Variants in TAF15 observed in about 807,000 individuals in gnomAD.
The protein encoded by TAF15 is TATA-box binding protein associated factor 15.
In TAF15, 37 loss-of-function variants were observed where a neutral mutation model predicts 102.5. That is an observed-to-expected ratio of 0.36 (90% CI 0.28 to 0.47). The LOEUF is 0.47. Among genes scored for constraint, TAF15 ranks in the 20% least tolerant of loss-of-function variants. The probability of loss-of-function intolerance (pLI) is 0.99; values close to 1 mark genes in which losing one functional copy is unlikely to be tolerated. For synonymous variants in TAF15, 273 were observed against 259.2 expected, an observed-to-expected ratio of 1.05 and a Z score of -0.51; for missense variants, 652 against 760.7, an observed-to-expected ratio of 0.86 and a Z score of 1.68.
chr17:35,831,394 A>G (rs2014839), intron 7 of TAF15, among the ~76,000 whole-genome samples: 20,980 of 150,744 alleles, frequency 0.14, 1,670 homozygotes, highest in East Asian at 0.21. Flanking sequence ...GCGACAGAGC[A>G]AGACTCCGTC....
chr17:35,823,596 TC>T (rs777781226), intron 6 of TAF15: 10 of 176,050 alleles, frequency 5.7e-5, no homozygotes, highest in African/African-American at 7.3e-5. Context: ...TCCCAGCTAC[TC>T]GGGAGGCTGA....
At chr17:35,816,360 C>T (rs749456838) in intron 1 of TAF15, among the ~76,000 whole-genome samples, 2 of 152,088 alleles carry the variant, frequency 1.3e-5, no homozygotes, top group Admixed American at 6.6e-5. Context: ...AATAGCTGGG[C>T]GTGGTGCTGC....
chr17:35,845,069 T>C (rs373080804), intron 15 of TAF15, 31 bp downstream of exon 15: 217 of 1,612,540 alleles, frequency 1.3e-4, no homozygotes, highest in Middle Eastern at 3.4e-4. Context: ...ATTAACCTTT[T>C]TACCTCACTG....
chr17:35,822,515 G>C, intron 5 of TAF15, 125 bp from the exon 6 acceptor site: 1 of 824,120 alleles, frequency 1.2e-6, no homozygotes. Context: ...ATTACCATGA[G>C]AAGGTAGTCA....
chr17:35,845,103 C>T, intron 15 of TAF15, 65 bp downstream of exon 15: 1 of 1,597,458 alleles, frequency 6.3e-7, no homozygotes, highest in Non-Finnish European at 8.6e-7. Context: ...GGATTTGAAC[C>T]ACATTTTAAC....
At chr17:35,814,411 G>A (rs1436850847) in intron 1 of TAF15, among the ~76,000 whole-genome samples, 1 of 151,710 alleles carries the variant, frequency 6.6e-6, no homozygotes, top group Non-Finnish European at 1.5e-5. Context: ...CTTGTGATCT[G>A]CCCACCTCAG....
At chr17:35,813,992 T>TTTG (rs201603145) in intron 1 of TAF15, among the ~76,000 whole-genome samples, 27 of 137,718 alleles carry the variant, frequency 2.0e-4, no homozygotes, top group Middle Eastern at 3.4e-3. Context: ...TTCTGTTTTT[T>TTTG]TTGTTGTTGT....
At chr17:35,843,008 C>T (rs1384758313) in intron 12 of TAF15, among the ~76,000 whole-genome samples, 1 of 152,182 alleles carries the variant, frequency 6.6e-6, no homozygotes, top group Non-Finnish European at 1.5e-5. Flanking sequence ...GGATTGCAGG[C>T]ATGAGCCACC....
intron 10 of TAF15, 87 bp downstream of exon 10, chr17:35,836,328 G>A: frequency 1.1e-6 from 1 of 948,912 alleles, no homozygotes; most frequent in Non-Finnish European, 1.6e-6. Context: ...ACATACTTCA[G>A]TACGCCTTGT....
At chr17:35,838,315 G>C (rs963518477) in intron 10 of TAF15, 109 bp from the exon 11 acceptor site, 17 of 1,421,994 alleles carry the variant, frequency 1.2e-5, no homozygotes, top group Non-Finnish European at 1.7e-5. Context: ...GTATTTTATA[G>C]TATGAATGTG....
At chr17:35,817,835 A>C in intron 2 of TAF15, 80 bp downstream of exon 2, 1 of 1,222,606 alleles carries the variant, frequency 8.2e-7, no homozygotes, top group Non-Finnish European at 1.2e-6. Flanking sequence ...TTGAGACTTG[A>C]TGCTGGATGT....
At chr17:35,829,862 G>A (rs2087381146) in intron 7 of TAF15, among the ~76,000 whole-genome samples, 1 of 151,974 alleles carries the variant, frequency 6.6e-6, no homozygotes, top group African/African-American at 2.4e-5. Flanking sequence ...GCAACTGGCT[G>A]GGCACATTGG....
intron 11 of TAF15, among the ~76,000 whole-genome samples, chr17:35,841,696 CTTTT>C (rs549802660): frequency 1.5e-5 from 2 of 135,168 alleles, no homozygotes; most frequent in Admixed American, 7.5e-5. Context: ...TCACGCCCAG[CTTTT>C]TTTTTTTTTT....
chr17:35,812,963 A>G (rs1160976892), intron 1 of TAF15, among the ~76,000 whole-genome samples: 1 of 151,884 alleles, frequency 6.6e-6, no homozygotes, highest in East Asian at 1.9e-4. Flanking sequence ...CCCCATCTCT[A>G]CTAAAAGTAT....
intron 11 of TAF15, among the ~76,000 whole-genome samples, chr17:35,839,475 G>A (rs1273830882): frequency 3.6e-5 from 5 of 138,418 alleles, no homozygotes; most frequent in African/African-American, 5.3e-5. Flanking sequence ...TCCGCCTCCC[G>A]GGTTCACACC....
Position 35,811,410 on chromosome 17 carries a change from C to T in TAF15, c.7+1834C>T, listed in dbSNP as rs1431019687. On this transcript the variant is annotated intron_variant, in intron 1 of 15. Transcript: ENST00000605844. ...TGTGAAAAGGGCTACTTACTAGACG[C>T]TTGTTTTTAAATTAACATTCAATTA... is the stretch of plus-strand genomic sequence containing the variant. 2.6e-5 allele frequency: 4 copies of T among 152,194 alleles called. No homozygotes were observed. The East Asian group carries it at 7.7e-4, about 29-fold the overall frequency. The allele number at this position is 152,194 out of a possible 1,614,324, so 9.4% of individuals were successfully genotyped here.
chr17:35,816,304 A>G (rs1214627572), intron 1 of TAF15, among the ~76,000 whole-genome samples: 14 of 152,242 alleles, frequency 9.2e-5, no homozygotes, highest in Admixed American at 9.2e-4. Context: ...GTATAATTAA[A>G]TTTTAAAAAG....
At chr17:35,810,710 A>G (rs1186836560) in intron 1 of TAF15, 1 of 152,228 alleles carries the variant, frequency 6.6e-6, no homozygotes, top group Non-Finnish European at 1.5e-5. Context: ...AAAACTAGAC[A>G]AAAAACCCAG....
intron 10 of TAF15, 68 bp downstream of exon 10, chr17:35,836,309 A>ATT: frequency 8.6e-7 from 1 of 1,164,150 alleles, no homozygotes; most frequent in Non-Finnish European, 1.3e-6. Context: ...TAGACTATGT[A>ATT]GTAAGCCTAC....
Sources: gnomAD v4.1 joint callset for allele counts (sites outside exome capture counted in the v4.1 genomes callset) on GRCh38, gnomAD v4.1.1 for gene constraint, MANE v1.5 for transcripts, NCBI Gene and HGNC (gene_info 2026-07-23, HGNC 2026-07-21) for gene names.